LNX1: variants seen among roughly 807,000 people sequenced by gnomAD.
LNX1 encodes E3 ubiquitin-protein ligase LNX.
A neutral mutation model predicts 68.4 loss-of-function variants in LNX1; 54 were observed. The ratio of observed to expected loss-of-function variants is 0.79; its 90% CI spans 0.63 to 0.99. The LOEUF is 0.99. LNX1 is among the 50% of genes least tolerant of loss of function. LNX1 has a pLI of 0.00. For missense variants in LNX1, 906 were observed against 926.4 expected, an observed-to-expected ratio of 0.98 and a Z score of 0.29; for synonymous variants, 336 against 350.0, an observed-to-expected ratio of 0.96 and a Z score of 0.45.
chr4:53,542,801 C>T (rs978650235), intron 2 of LNX1, among the ~76,000 whole-genome samples: 6 of 152,084 alleles, frequency 3.9e-5, no homozygotes, highest in East Asian at 1.9e-4. Flanking sequence ...AATCTGTATT[C>T]GGAACACGTG....
At position 53,461,174 on chromosome 4, in the gene LNX1, T is replaced by C. The variant is rs536620307; in HGVS notation, c.2052-132A>G. 2.8e-5 allele frequency: 22 copies of C among 777,232 alleles called. No individual in the cohort carries two copies. In the South Asian group the frequency reaches 3.3e-4, roughly 12 times the overall value. The allele number at this position is 777,232 out of a possible 1,614,324, so 48.1% of individuals were successfully genotyped here. A position where few individuals can be genotyped will look rare whatever the true frequency, so the allele number is the denominator to read the frequency against. On this transcript the variant is annotated intron_variant, in intron 10 of 10. Coordinates refer to ENST00000263925, the MANE Select transcript of LNX1 (RefSeq NM_001126328.3). ...ATTATGTTAACTTCTAATTGAGATA[T>C]TTCTTGCCTCTTATTTACATTCTCC...
chr4:53,573,763 C>T lies in LNX1; in HGVS notation c.240G>A (p.Lys80=). 6.2e-7 allele frequency: 1 copy of T among 1,611,908 alleles called. No homozygotes were observed. The highest frequency in any genetic ancestry group is 8.5e-7 in the Non-Finnish European group (1 of 1,179,076). The part of the protein sequence containing the change: ...VEKDFCPMDR[K]PLVLQHCKKS... ...TCTTGCAGTGCTGCAGAACCAGAGG[C>T]TTGCGGTCCATGGGACAGAAGTCCT... Residue 80 remains lysine (K), a synonymous_variant, in exon 2 of 11, where the codon AAG becomes AAA. Transcript: ENST00000263925.
intron 2 of LNX1, among the ~76,000 whole-genome samples, chr4:53,562,245 G>C (rs1259953259): frequency 6.6e-6 from 1 of 152,136 alleles, no homozygotes; most frequent in East Asian, 1.9e-4. Flanking sequence ...TGAGCAGATG[G>C]GCCCTCTCCA....
intron 1 of LNX1, among the ~76,000 whole-genome samples, chr4:53,628,811 T>C (rs1734166764): frequency 6.6e-6 from 1 of 151,862 alleles, no homozygotes; most frequent in Admixed American, 6.5e-5. Context: ...AGAAATGAAA[T>C]AATGTCTTTT....
At chr4:53,514,878 T>C (rs1303911699) in intron 2 of LNX1, among the ~76,000 whole-genome samples, 1 of 152,226 alleles carries the variant, frequency 6.6e-6, no homozygotes, top group African/African-American at 2.4e-5. Context: ...TTTTGGGTTA[T>C]TGACCTCAAG....
intron 2 of LNX1, among the ~76,000 whole-genome samples, chr4:53,565,026 A>T (rs1004138435): frequency 1.3e-5 from 2 of 152,102 alleles, no homozygotes; most frequent in Non-Finnish European, 2.9e-5. Flanking sequence ...GATTGCTAGC[A>T]CAGCAGTCTG....
At chr4:53,570,056 A>T (rs1048180640) in intron 2 of LNX1, among the ~76,000 whole-genome samples, 6 of 151,988 alleles carry the variant, frequency 3.9e-5, no homozygotes, top group Admixed American at 2.0e-4. Flanking sequence ...ACACTTTTAC[A>T]CTGTTGGTGG....
intron 2 of LNX1, among the ~76,000 whole-genome samples, chr4:53,565,398 C>A (rs1241343420): frequency 8.6e-5 from 13 of 152,010 alleles, no homozygotes; most frequent in Admixed American, 6.5e-4. Flanking sequence ...ACTGACACCT[C>A]ACACTGCAGG....
At chr4:53,548,843 C>T (rs1001195683) in intron 2 of LNX1, among the ~76,000 whole-genome samples, 5 of 152,114 alleles carry the variant, frequency 3.3e-5, no homozygotes, top group African/African-American at 1.2e-4. Context: ...ACTATGCAGC[C>T]ATAAAAAAGA....
intron 6 of LNX1, among the ~76,000 whole-genome samples, chr4:53,492,506 T>TGAGAGAGAGGGAGAGAGAGAGAGAGAGA (rs1553931985): frequency 1.1e-5 from 1 of 88,942 alleles, no homozygotes; most frequent in Non-Finnish European, 2.3e-5. Context: ...CAGAGGGCTC[T>TGAGAGAGAGGGAGAGAGAGAGAGAGAGA]GAGAGAGAGA....
intron 1 of LNX1, among the ~76,000 whole-genome samples, chr4:53,629,653 T>G (rs951603903): frequency 2.0e-5 from 3 of 152,136 alleles, no homozygotes; most frequent in Non-Finnish European, 4.4e-5. Flanking sequence ...AGGGACAGGC[T>G]CAGACCTGGA....
At chr4:53,559,256 T>C (rs934016217) in intron 2 of LNX1, among the ~76,000 whole-genome samples, 16 of 152,214 alleles carry the variant, frequency 1.1e-4, no homozygotes, top group African/African-American at 3.9e-4. Context: ...AATGTGCAGA[T>C]TTAATTTCTA....
At chr4:53,593,428 G>C (rs1044978468), upstream of LNX1, among the ~76,000 whole-genome samples, 3 of 152,206 alleles carry the variant, frequency 2.0e-5, no homozygotes, top group African/African-American at 7.2e-5. Context: ...GAACAGCCTG[G>C]AGATCGTGAG....
intron 2 of LNX1, among the ~76,000 whole-genome samples, chr4:53,570,735 A>G (rs1170731394): frequency 1.3e-5 from 2 of 151,482 alleles, no homozygotes; most frequent in Non-Finnish European, 2.9e-5. Context: ...TTCAAAAAAA[A>G]AGAATCTTTT....
chr4:53,636,179 CTTTTTTTTTTTT>C (rs11440722), intron 1 of LNX1, among the ~76,000 whole-genome samples: 3 of 85,226 alleles, frequency 3.5e-5, no homozygotes, highest in East Asian at 4.5e-4. Flanking sequence ...TCTATTACTC[CTTTTTTTTTTTT>C]TTTTTTTTTT....
In LNX1 at chr4:53,496,339, CG is replaced by C. The variant is rs771949797; in HGVS notation, c.1033del (p.Arg345GlyfsTer9). 1 of 1,614,122 alleles carries C rather than the reference CG, an allele frequency of 6.2e-7. No homozygotes were observed. The stretch of plus-strand genomic sequence containing the variant: ...CAGCCACAGCACCTGGCAGGGCTGC[CG>C]CAGGAGACGCACAGCGTAGTTGTGA... Reference protein sequence around the residue: ...VPHNYAVRLLRQPCQVLWLTV... With the variant: ...VPHNYAVRLLXQPCQVLWLTV... On this transcript the variant is annotated frameshift_variant, in exon 6 of 11. Transcript: ENST00000263925. LOFTEE classifies it high-confidence loss of function.
chr4:53,561,778 G>A (rs1730305719), intron 2 of LNX1, among the ~76,000 whole-genome samples: 1 of 152,078 alleles, frequency 6.6e-6, no homozygotes, highest in African/African-American at 2.4e-5. Flanking sequence ...ATTGAACAAT[G>A]AACTCTGTAT....
intron 2 of LNX1, among the ~76,000 whole-genome samples, chr4:53,607,045 C>T (rs561627568): frequency 6.6e-6 from 1 of 152,274 alleles, no homozygotes; most frequent in Admixed American, 6.5e-5. Context: ...TGAAAACCTG[C>T]ACAAGACAAG....
At chr4:53,551,901 C>G (rs1442587191) in intron 2 of LNX1, among the ~76,000 whole-genome samples, 1 of 152,168 alleles carries the variant, frequency 6.6e-6, no homozygotes, top group East Asian at 1.9e-4. Flanking sequence ...CCACCAGTAA[C>G]ACTTCCATAG....
Sources: allele counts gnomAD v4.1 joint callset (sites outside exome capture counted in the v4.1 genomes callset), GRCh38; gene constraint gnomAD v4.1.1; transcripts MANE v1.5; gene names NCBI Gene and HGNC (gene_info 2026-07-23, HGNC 2026-07-21).